RAB3IL1: variants seen among roughly 807,000 people sequenced by gnomAD.
The protein encoded by RAB3IL1 is RAB3A interacting protein like 1, also known as guanine nucleotide exchange factor for Rab-3A.
RAB3IL1 carries 37 observed loss-of-function variants against 49.2 expected under a neutral mutation model. The ratio of observed to expected loss-of-function variants is 0.75; its 90% confidence interval spans 0.58 to 0.99. The LOEUF is 0.99. RAB3IL1 is among the 50% of genes least tolerant of loss of function. RAB3IL1 has a pLI of 0.00. For missense variants in RAB3IL1, 484 were observed against 513.0 expected, an observed-to-expected ratio of 0.94 and a Z score of 0.55; for synonymous variants, 193 against 213.9, an observed-to-expected ratio of 0.90 and a Z score of 0.85.
In RAB3IL1 at chr11:61,901,977, G is replaced by A. The variant is rs116197337; in HGVS notation, c.999+465C>T. ...TGCCCTTGGCTTGGCTGTGTGGCCC[G>A]AGTCAGTCTCTGCGCCTCTCTGAGC... On this transcript the variant is annotated intron_variant, in intron 8 of 9. Transcript: ENST00000394836. 6.3e-3 allele frequency among the ~76,000 whole-genome samples: 967 copies of A among 152,302 alleles called. 10 individuals carry two copies. Among genetic ancestry groups the A allele is most frequent in the African/African-American group, 0.022 (895 of 41,566 alleles).
rs1939287038 is a variant in RAB3IL1, at chr11:61,908,041, T to G, written c.264+13A>C. 6.2e-7 allele frequency: 1 copy of G among 1,600,634 alleles called. No homozygotes were observed. Among genetic ancestry groups the G allele is most frequent in the East Asian group, 2.2e-5 (1 of 44,474 alleles). On this transcript the variant is annotated intron_variant, in intron 2 of 9. Coordinates refer to ENST00000394836, the MANE Select transcript of RAB3IL1 (RefSeq NM_013401.4). Reference sequence around the variant, plus strand: ...CCCCACCGAAGACCCCCCAGCCTACTGCAGGCACCCACCTTCTGCGCTCTG... The same window carrying G: ...CCCCACCGAAGACCCCCCAGCCTACGGCAGGCACCCACCTTCTGCGCTCTG...
In RAB3IL1 at chr11:61,908,048, AC is replaced by A. The variant is rs767465788; in HGVS notation, c.264+5del. 3 of 1,603,254 alleles carry A rather than the reference AC, an allele frequency of 1.9e-6. No individual in the cohort carries two copies. Among genetic ancestry groups the A allele is most frequent in the Non-Finnish European group, 8.5e-7 (1 of 1,173,464 alleles). Reference sequence around the variant, plus strand: ...GAAGACCCCCCAGCCTACTGCAGGCACCCACCTTCTGCGCTCTGTGCAGCTC... The same window carrying A: ...GAAGACCCCCCAGCCTACTGCAGGCACCACCTTCTGCGCTCTGTGCAGCTC... On this transcript the variant is annotated splice_donor_5th_base_variant and intron_variant, in intron 2 of 9. Transcript: ENST00000394836.
the RAB3IL1 span, among the ~76,000 whole-genome samples, chr11:61,929,625 C>T: frequency 2.6e-4 from 39 of 149,074 alleles, no homozygotes; most frequent in Non-Finnish European, 1.8e-4. Context: ...CTTGCTCTGT[C>T]GCCAGGCTGG....
chr11:61,908,258 C>G lies in RAB3IL1; in HGVS notation c.60G>C (p.Pro20=). The G allele has an allele frequency of 1.3e-6, 2 of 1,521,208 alleles. No homozygotes were observed. Among genetic ancestry groups the G allele is most frequent in the Non-Finnish European group, 8.8e-7 (1 of 1,134,362 alleles). 94.2% of individuals were successfully genotyped at this position (1,521,208 alleles called of 1,614,324 possible). Residue 20 remains proline (P), a synonymous_variant, in exon 2 of 10, where the codon CCG becomes CCC. Transcript: ENST00000394836. ...QGLPPPLAAV[P]VPWKSTDPCQ... Reference sequence around the variant, plus strand: ...AGGGGTCCGTGCTCTTCCAGGGGACCGGGACAGCTGCAAGGGGCGGCGGGA... The same window carrying G: ...AGGGGTCCGTGCTCTTCCAGGGGACGGGGACAGCTGCAAGGGGCGGCGGGA...
At chr11:61,930,318 A>G in the RAB3IL1 span, among the ~76,000 whole-genome samples, 1 of 152,188 alleles carries the variant, frequency 6.6e-6, no homozygotes, top group Non-Finnish European at 1.5e-5. Context: ...AGAGATGGAT[A>G]ATGGTTGCAC....
the RAB3IL1 span, among the ~76,000 whole-genome samples, chr11:61,927,347 G>T: frequency 1.3e-5 from 2 of 152,112 alleles, no homozygotes; most frequent in African/African-American, 4.8e-5. Context: ...TATACAAATT[G>T]CCCAGACTCA....
At chr11:61,941,711 C>T in the RAB3IL1 span, among the ~76,000 whole-genome samples, 2 of 152,070 alleles carry the variant, frequency 1.3e-5, no homozygotes, top group South Asian at 4.2e-4. Context: ...CAGATCGCAC[C>T]ACTGCACTCC....
chr11:61,929,076 C>G, the RAB3IL1 span, among the ~76,000 whole-genome samples: 1 of 152,264 alleles, frequency 6.6e-6, no homozygotes, highest in East Asian at 1.9e-4. Flanking sequence ...GTATATGTGA[C>G]CTTTTGACAC....
intron 1 of RAB3IL1, among the ~76,000 whole-genome samples, chr11:61,911,296 C>T (rs1565365339): frequency 6.6e-6 from 1 of 152,198 alleles, no homozygotes; most frequent in Admixed American, 6.5e-5. Context: ...AACTCCCCAA[C>T]GCCAAAGGTG....
At chr11:61,928,082 A>G in the RAB3IL1 span, among the ~76,000 whole-genome samples, 2 of 151,940 alleles carry the variant, frequency 1.3e-5, no homozygotes, top group African/African-American at 2.4e-5. Flanking sequence ...GCTACTATGG[A>G]TAAGTGTGGA....
At chr11:61,917,263 G>T in intron 1 of RAB3IL1, 94 bp downstream of exon 1, 1 of 1,330,316 alleles carries the variant, frequency 7.5e-7, no homozygotes, top group African/African-American at 1.5e-5. Flanking sequence ...CCGGGTGGCG[G>T]CGCAGACCCG....
chr11:61,933,616 C>T, the RAB3IL1 span, among the ~76,000 whole-genome samples: 2 of 151,824 alleles, frequency 1.3e-5, no homozygotes, highest in African/African-American at 4.8e-5. Flanking sequence ...GTAACCAAAA[C>T]CTAAAAATGT....
chr11:61,919,499 T>C (rs988252344), upstream of RAB3IL1, among the ~76,000 whole-genome samples: 4 of 152,118 alleles, frequency 2.6e-5, no homozygotes, highest in African/African-American at 7.2e-5. Flanking sequence ...CTGCCTGATA[T>C]CACACCAGCC....
At chr11:61,908,032 C>T (rs1481920054) in intron 2 of RAB3IL1, 22 bp downstream of exon 2, 1 of 1,596,190 alleles carries the variant, frequency 6.3e-7, no homozygotes, top group African/African-American at 1.3e-5. Context: ...CGAAGACCCC[C>T]CAGCCTACTG....
At chr11:61,937,482 G>C in the RAB3IL1 span, among the ~76,000 whole-genome samples, 1 of 151,734 alleles carries the variant, frequency 6.6e-6, no homozygotes, top group South Asian at 2.1e-4. Context: ...ATTTGGTGGG[G>C]GGGTGGCTAG....
upstream of RAB3IL1, among the ~76,000 whole-genome samples, chr11:61,919,094 G>A (rs1939826538): frequency 6.6e-6 from 1 of 152,194 alleles, no homozygotes; most frequent in Non-Finnish European, 1.5e-5. Context: ...ATTTAGAGAA[G>A]GAGGAGAAAA....
chr11:61,914,550 C>T (rs1037034607), intron 1 of RAB3IL1, among the ~76,000 whole-genome samples: 11 of 152,178 alleles, frequency 7.2e-5, no homozygotes, highest in Admixed American at 5.9e-4. Context: ...TGTGGGGAAT[C>T]GGAAGGGGGA....
chr11:61,929,851 G>A, the RAB3IL1 span, among the ~76,000 whole-genome samples: 4 of 148,260 alleles, frequency 2.7e-5, no homozygotes, highest in African/African-American at 5.0e-5. Context: ...CTCCCAAAGT[G>A]CTGGGACTAT....
chr11:61,920,792 G>T (rs893473953), upstream of RAB3IL1, among the ~76,000 whole-genome samples: 1 of 149,848 alleles, frequency 6.7e-6, no homozygotes, highest in African/African-American at 2.5e-5. Flanking sequence ...GCATGGTGGC[G>T]CATGCCTGTA....
Sources: gnomAD v4.1 joint callset for allele counts (sites outside exome capture counted in the v4.1 genomes callset) on GRCh38, gnomAD v4.1.1 for gene constraint, MANE v1.5 for transcripts, NCBI Gene and HGNC (gene_info 2026-07-23, HGNC 2026-07-21) for gene names.